Variants in COL17A1 observed in about 807,000 individuals in gnomAD.
The protein encoded by COL17A1 is collagen type XVII alpha 1 chain, also known as collagen alpha-1(XVII) chain.
COL17A1 carries 181 observed loss-of-function variants against 218.4 expected under a neutral mutation model. The observed-to-expected ratio is 0.83, with a 90% CI of 0.73 to 0.94. The LOEUF is 0.94. Among genes scored for constraint, COL17A1 ranks in the 40% least tolerant of loss-of-function variants. The pLI is 0.00. For synonymous variants in COL17A1, 721 were observed against 731.0 expected, an observed-to-expected ratio of 0.99 and a Z score of 0.22; for missense variants, 1,924 against 1,945.9, an observed-to-expected ratio of 0.99 and a Z score of 0.21.
At chr10:104,052,882 G>A in intron 23 of COL17A1, 149 bp downstream of exon 23, 1 of 981,114 alleles carries the variant, frequency 1.0e-6, no homozygotes, top group Non-Finnish European at 1.6e-6. Flanking sequence ...GTCTCTGCAG[G>A]GCCTAGCACA....
Position 104,041,353 on chromosome 10 carries a change from G to T in COL17A1, c.2606-9C>A, listed in dbSNP as rs769165030. The T allele has an allele frequency of 3.1e-6, 5 of 1,610,382 alleles. No homozygotes were observed. The African/African-American group carries it at 6.7e-5, about 22-fold the overall frequency. Reference sequence around the variant, plus strand: ...GCCTGGAATGGAAGGCCCTGCAGAAGAGAGCAAGGAAGAGGCCATGCTGAG... The same window carrying T: ...GCCTGGAATGGAAGGCCCTGCAGAATAGAGCAAGGAAGAGGCCATGCTGAG... On this transcript the variant is annotated splice_polypyrimidine_tract_variant and intron_variant, in intron 37 of 55. Coordinates refer to ENST00000648076, the MANE Select transcript of COL17A1 (RefSeq NM_000494.4).
chr10:104,065,799 T>G (rs2086621345), intron 9 of COL17A1, among the ~76,000 whole-genome samples: 1 of 152,240 alleles, frequency 6.6e-6, no homozygotes, highest in Non-Finnish European at 1.5e-5. Flanking sequence ...TTTCAAGGTC[T>G]CTGGCAAAGC....
In COL17A1 at chr10:104,036,510, T is replaced by C. The variant is rs1272442439; in HGVS notation, c.3400A>G (p.Ile1134Val). The change falls in exon 48 of 56, where the codon ATT (isoleucine) becomes GTT (valine). Residue 1134 changes from isoleucine (I) to valine (V), a missense_variant. Transcript: ENST00000648076. Reference sequence around the variant, plus strand: ...CACTTACTCGACATGTAGCTGAGAATGCGACTACTCAGCTCTGCATAGTCC... The same window carrying C: ...CACTTACTCGACATGTAGCTGAGAACGCGACTACTCAGCTCTGCATAGTCC... Reference protein sequence around the residue: ...SLDYAELSSRILSYMSSSGIS... With the variant: ...SLDYAELSSRVLSYMSSSGIS... The C allele has an allele frequency of 1.2e-6, 2 of 1,613,896 alleles. No individual in the cohort carries two copies. The highest frequency in any genetic ancestry group is 1.3e-5 in the African/African-American group (1 of 74,956).
At position 104,062,296 on chromosome 10, in the gene COL17A1, A is replaced by G. The variant is rs1305830361; in HGVS notation, c.872T>C (p.Leu291Ser). The G allele has an allele frequency of 6.2e-7, 1 of 1,614,234 alleles. No homozygotes were observed. The highest frequency in any genetic ancestry group is 8.5e-7 in the Non-Finnish European group (1 of 1,180,038). The change falls in exon 12 of 56, where the codon TTG (leucine) becomes TCG (serine). Residue 291 changes from leucine to serine, a missense_variant. By Grantham distance (145) the Leu-to-Ser change is moderately radical. Coordinates refer to ENST00000648076, the MANE Select transcript of COL17A1 (RefSeq NM_000494.4). ...FGMQNNLAPS[L>S]TTLSHGTTTT... ...GGTGGTGCCATGGGACAGGGTGGTC[A>G]AGCTGGGGGCCAGATTGTTCTGCAT...
At position 104,031,962 on chromosome 10, in the gene COL17A1, A is replaced by G. The variant is rs561513362; in HGVS notation, c.*273T>C. 5.3e-4 allele frequency: 281 copies of G among 532,756 alleles called. 1 individual carries two copies. The highest frequency in any genetic ancestry group is 8.2e-4 in the Non-Finnish European group (243 of 297,330). The allele number at this position is 532,756 out of a possible 1,614,324, so 33.0% of individuals were successfully genotyped here. A position where few individuals can be genotyped will look rare whatever the true frequency, so the allele number is the denominator to read the frequency against. On this transcript the variant is annotated 3_prime_UTR_variant, in exon 56 of 56. Coordinates refer to ENST00000648076, the MANE Select transcript of COL17A1 (RefSeq NM_000494.4). ...CTTGAACTAAGTAAAGAAGCCAAGGAGTTCAGATCTAGATAGCAGAGAAGT... is the reference window on the plus strand; with the variant it reads ...CTTGAACTAAGTAAAGAAGCCAAGGGGTTCAGATCTAGATAGCAGAGAAGT...
intron 17 of COL17A1, among the ~76,000 whole-genome samples, 163 bp downstream of exon 17, chr10:104,056,812 G>A (rs1182895513): frequency 6.6e-6 from 1 of 152,142 alleles, no homozygotes; most frequent in Non-Finnish European, 1.5e-5. Context: ...ACCTCCTGGG[G>A]CCTCAGTTTA....
chr10:104,046,413 A>T (rs138646455), intron 32 of COL17A1, among the ~76,000 whole-genome samples: 38 of 152,228 alleles, frequency 2.5e-4, no homozygotes, highest in African/African-American at 8.7e-4. Flanking sequence ...CAGTGGGGGA[A>T]CTTGGGCCTC....
At chr10:104,060,621 C>T (rs2086574284) in intron 13 of COL17A1, among the ~76,000 whole-genome samples, 1 of 152,126 alleles carries the variant, frequency 6.6e-6, no homozygotes, top group Admixed American at 6.5e-5. Flanking sequence ...CCTTAACTAA[C>T]TTGGGTTCAT....
At chr10:104,033,194 T>C in intron 53 of COL17A1, 44 bp downstream of exon 53, 1 of 1,566,460 alleles carries the variant, frequency 6.4e-7, no homozygotes, top group Non-Finnish European at 8.7e-7. Flanking sequence ...CGTGGGAACC[T>C]ATGCAGTGAG....
chr10:104,084,350 C>G (rs920223878), intron 1 of COL17A1, among the ~76,000 whole-genome samples: 1 of 149,178 alleles, frequency 6.7e-6, no homozygotes, highest in Non-Finnish European at 1.5e-5. Context: ...TGCTGTGTTG[C>G]CCAGGTGGGA....
chr10:104,045,750 T>C lies in COL17A1; in HGVS notation c.2398+8A>G, dbSNP rs2086402573. 6.2e-7 allele frequency: 1 copy of C among 1,608,150 alleles called. No homozygotes were observed. Among genetic ancestry groups the C allele is most frequent in the Admixed American group, 1.7e-5 (1 of 60,004 alleles). On this transcript the variant is annotated splice_region_variant and intron_variant, in intron 33 of 55. Coordinates refer to ENST00000648076, the MANE Select transcript of COL17A1 (RefSeq NM_000494.4). ...AAAGAAAGAAATCTCATTTGGAAAT[T>C]CACTTACCTTTTATTCCTGGTCGGC...
intron 17 of COL17A1, among the ~76,000 whole-genome samples, chr10:104,056,454 C>A (rs139764538): frequency 6.6e-6 from 1 of 151,972 alleles, no homozygotes; most frequent in East Asian, 1.9e-4. Context: ...TGGTGACATG[C>A]GCCTGTAGTC....
intron 10 of COL17A1, among the ~76,000 whole-genome samples, chr10:104,064,064 C>T (rs192803893): frequency 2.5e-3 from 379 of 152,348 alleles, no homozygotes; most frequent in Middle Eastern, 0.014. Context: ...ACAGTGGGTC[C>T]AGCCAAAGGC....
chr10:104,077,384 C>T (rs1329514440), intron 4 of COL17A1, 38 bp downstream of exon 4: 11 of 1,520,984 alleles, frequency 7.2e-6, no homozygotes, highest in Non-Finnish European at 1.0e-5. Flanking sequence ...TCTTTGTCAC[C>T]CATTCTTCCC....
At chr10:104,035,887 A>AGAGT (rs2086279577) in intron 48 of COL17A1, among the ~76,000 whole-genome samples, 1 of 128,180 alleles carries the variant, frequency 7.8e-6, no homozygotes, top group East Asian at 2.3e-4. Flanking sequence ...TGAGTACTGG[A>AGAGT]GTGTATGGGA....
chr10:104,038,373 T>C, intron 45 of COL17A1, 33 bp downstream of exon 45: 1 of 1,613,414 alleles, frequency 6.2e-7, no homozygotes, highest in Non-Finnish European at 8.5e-7. Context: ...TCCATGTTCT[T>C]GTCCCCACGG....
chr10:104,069,529 C>T (rs2134643854), intron 9 of COL17A1, among the ~76,000 whole-genome samples: 1 of 152,264 alleles, frequency 6.6e-6, no homozygotes, highest in South Asian at 2.1e-4. Context: ...CGAATGTCTC[C>T]CAGTAGCACT....
chr10:104,033,446 C>T (rs1206938967), intron 52 of COL17A1, 71 bp from the exon 53 acceptor site: 4 of 1,554,544 alleles, frequency 2.6e-6, no homozygotes, highest in Admixed American at 1.8e-5. Flanking sequence ...GAGCACAGTG[C>T]CCTCCGAGTG....
Position 104,041,046 on chromosome 10 carries a change from C to G in COL17A1, c.2701+19G>C, listed in dbSNP as rs1161304239. ...GGGCTGAGGTGGAGAACAGGTGCGA[C>G]TTGACTCCCTGACATTACCTGAGTT... On this transcript the variant is annotated intron_variant, in intron 39 of 55. Coordinates refer to ENST00000648076, the MANE Select transcript of COL17A1 (RefSeq NM_000494.4). The G allele has an allele frequency of 6.2e-7, 1 of 1,614,162 alleles. No homozygotes were observed. The highest frequency in any genetic ancestry group is 1.7e-5 in the Admixed American group (1 of 60,026).
Sources: gnomAD v4.1 joint callset for allele counts (sites outside exome capture counted in the v4.1 genomes callset) on GRCh38, gnomAD v4.1.1 for gene constraint, MANE v1.5 for transcripts, NCBI Gene and HGNC (gene_info 2026-07-23, HGNC 2026-07-21) for gene names.